Variants in CLK3 observed in about 807,000 individuals in gnomAD.
CLK3 encodes CDC like kinase 3, also known as dual specificity protein kinase CLK3.
A neutral mutation model predicts 65.2 loss-of-function variants in CLK3; 24 were observed. The ratio of observed to expected loss-of-function variants is 0.37; its 90% CI spans 0.27 to 0.52. The LOEUF (loss-of-function observed/expected upper bound fraction) is 0.52. CLK3 is among the 20% of genes least tolerant of loss of function. CLK3 has a pLI of 0.92. For synonymous variants in CLK3, 252 were observed against 240.8 expected (o/e 1.05, Z -0.43); for missense variants, 506 against 660.0 (o/e 0.77, Z 2.56).
intron 12 of CLK3, 173 bp downstream of exon 12, chr15:74,629,205 C>T (rs1234163514): frequency 1.4e-6 from 1 of 706,620 alleles, no homozygotes; most frequent in East Asian, 2.7e-5. Flanking sequence ...TGCAAACTGC[C>T]CCAGAGGGGC....
At chr15:74,628,076 C>T (rs768688400) in intron 10 of CLK3, 24 bp downstream of exon 10, 1 of 1,530,304 alleles carries the variant, frequency 6.5e-7, no homozygotes, top group South Asian at 1.1e-5. Context: ...GCATTGGTCC[C>T]CTACCCTGAG....
At chr15:74,615,710 G>A (rs2062049714), upstream of CLK3, 2 of 1,238,944 alleles carry the variant, frequency 1.6e-6, no homozygotes, top group South Asian at 3.6e-5. Flanking sequence ...GAGCGGAGAG[G>A]GCTGGTGCCC....
At chr15:74,626,429 G>T (rs2062143930) in intron 7 of CLK3, among the ~76,000 whole-genome samples, 1 of 152,250 alleles carries the variant, frequency 6.6e-6, no homozygotes. Flanking sequence ...ATTTGCAATG[G>T]TTGCAGCAGT....
At chr15:74,612,123 G>A (rs1380974859), upstream of CLK3, among the ~76,000 whole-genome samples, 7 of 152,236 alleles carry the variant, frequency 4.6e-5, no homozygotes, top group South Asian at 2.1e-4. Flanking sequence ...GGGGAAATTG[G>A]TGCCCAAGTC....
upstream of CLK3, chr15:74,614,979 A>C: frequency 6.3e-6 from 1 of 157,506 alleles, no homozygotes; most frequent in Non-Finnish European, 1.4e-5. Context: ...TGAGGTCTCA[A>C]AAGATCCCCA....
chr15:74,625,595 A>G (rs1439333224), intron 6 of CLK3, among the ~76,000 whole-genome samples: 1 of 152,164 alleles, frequency 6.6e-6, no homozygotes, highest in Non-Finnish European at 1.5e-5. Context: ...CAGGAAGCTT[A>G]GTCCTTGCCC....
intron 3 of CLK3, 123 bp downstream of exon 3, chr15:74,620,348 A>ATGTGTG (rs1346826206): frequency 1.5e-6 from 2 of 1,338,728 alleles, no homozygotes; most frequent in Non-Finnish European, 2.1e-6. Context: ...GTGTGCGTGC[A>ATGTGTG]TGTGTGTGTG....
chr15:74,625,735 A>C, intron 6 of CLK3, 67 bp from the exon 7 acceptor site: 2 of 1,571,720 alleles, frequency 1.3e-6, no homozygotes, highest in Non-Finnish European at 1.7e-6. Flanking sequence ...AACTGTCTTC[A>C]TCTGAGAGAG....
chr15:74,627,354 C>G lies in CLK3; in HGVS notation c.820C>G (p.Leu274Val). 4 of 1,613,346 alleles carry G rather than the reference C, an allele frequency of 2.5e-6. No individual in the cohort carries two copies. The highest frequency in any genetic ancestry group is 3.4e-6 in the Non-Finnish European group (4 of 1,179,290). The stretch of plus-strand genomic sequence containing the variant: ...CCCTTCTTTCCCTGCTACCTTAGTT[C>G]TGCATGAGAATCAGCTGACCCATAC... Reference protein sequence around the residue: ...AYQLCHALRFLHENQLTHTDL... With the variant: ...AYQLCHALRFVHENQLTHTDL... Residue 274 changes from leucine (L) to valine (V), a missense_variant and splice_region_variant, in exon 8 of 13, where the codon CTG becomes GTG. Physicochemically the swap from Leu to Val is conservative, Grantham distance 32. Coordinates refer to ENST00000395066, the MANE Select transcript of CLK3 (RefSeq NM_001130028.2). The surrounding 1 kb of genome is among the most constrained non-coding windows in gnomAD (Gnocchi z 4.3).
At position 74,620,124 on chromosome 15, in the gene CLK3, C is replaced by G. The variant is rs767369515; in HGVS notation, c.268C>G (p.Arg90Gly). 6.2e-7 allele frequency: 1 copy of G among 1,614,152 alleles called. No homozygotes were observed. Among genetic ancestry groups the G allele is most frequent in the East Asian group, 2.2e-5 (1 of 44,880 alleles). Reference protein sequence around the residue: ...GEDYYGPSRSRHRRRSRERGP... With the variant: ...GEDYYGPSRSGHRRRSRERGP... ...GGACTACTATGGACCTTCACGTTCT[C>G]GTCATCGTCGGCGATCGCGGGAGAG... is the stretch of plus-strand genomic sequence containing the variant. Residue 90 changes from arginine to glycine, a missense_variant, in exon 3 of 13, where the codon CGT (arginine) becomes GGT (glycine). Arg to Gly is a moderately radical substitution (Grantham distance 125). Around this residue, in one of 2 missense-constraint regions of CLK3, gnomAD observed 181 missense variants for 159.4 expected, o/e 1.14. Transcript: ENST00000395066.
chr15:74,616,966 C>G (rs2062065365), intron 1 of CLK3, among the ~76,000 whole-genome samples: 1 of 152,244 alleles, frequency 6.6e-6, no homozygotes, highest in African/African-American at 2.4e-5. Context: ...GCTTTTTAAA[C>G]AAGCTGTTTG....
At position 74,630,119 on chromosome 15, in the gene CLK3, C is replaced by A; in HGVS notation, c.*236C>A. On this transcript the variant is annotated 3_prime_UTR_variant, in exon 13 of 13. Coordinates refer to ENST00000395066, the MANE Select transcript of CLK3 (RefSeq NM_001130028.2). ...ATAAAGTGTTTCTTACTGTTTGTAA[C>A]CCCTGGTACCAGTGTGTCCATCTCC... 1 of 479,058 alleles carries A rather than the reference C, an allele frequency of 2.1e-6. No individual in the cohort carries two copies. The highest frequency in any genetic ancestry group is 3.4e-5 in the Admixed American group (1 of 29,526). The allele number at this position is 479,058 out of a possible 1,614,324, so 29.7% of individuals were successfully genotyped here. A position where few individuals can be genotyped will look rare whatever the true frequency, so the allele number is the denominator to read the frequency against.
rs987866001 is a variant in CLK3 at position 74,624,613 on chromosome 15, T to C, written c.534-289T>C. The C allele has an allele frequency of 6.4e-6, 3 of 469,388 alleles. No individual in the cohort carries two copies. The highest frequency in any genetic ancestry group is 5.8e-5 in the African/African-American group (3 of 51,426). The allele number at this position is 469,388 out of a possible 1,614,324, so 29.1% of individuals were successfully genotyped here. A position where few individuals can be genotyped will look rare whatever the true frequency, so the allele number is the denominator to read the frequency against. On this transcript the variant is annotated intron_variant, in intron 5 of 12. Transcript: ENST00000395066. The surrounding 1 kb of genome is among the most constrained non-coding windows in gnomAD (Gnocchi z 4.2). The stretch of plus-strand genomic sequence containing the variant: ...TGGACTGGCACTGGTTAAGCAGGAT[T>C]GGCCTCTACTCTCCCACACTCCTTT...
chr15:74,609,577 G>A (rs2061960738), intron 1 of CLK3, among the ~76,000 whole-genome samples: 1 of 152,236 alleles, frequency 6.6e-6, no homozygotes, highest in South Asian at 2.1e-4. Flanking sequence ...CTGTGGGGCT[G>A]CCCCTGCCAG....
Position 74,625,815 on chromosome 15 carries a change from A to G in CLK3, c.664A>G (p.Met222Val), listed in dbSNP as rs2062139802. The change falls in exon 7 of 13, where the codon ATG (methionine) becomes GTG (valine). Residue 222 changes from methionine (M) to valine (V), a missense_variant. By Grantham distance (21) the Met-to-Val change is conservative. Around this residue, in one of 2 missense-constraint regions of CLK3, gnomAD observed 325 missense variants for 500.5 expected, o/e 0.65. Coordinates refer to ENST00000395066, the MANE Select transcript of CLK3 (RefSeq NM_001130028.2). ...DKENKFLCVL[M>V]SDWFNFHGHM... Reference sequence around the variant, plus strand: ...CTCCTCCTCCAGCCTGTGTGTCTTGATGTCTGACTGGTTCAACTTCCACGG... The same window carrying G: ...CTCCTCCTCCAGCCTGTGTGTCTTGGTGTCTGACTGGTTCAACTTCCACGG... 6.2e-7 allele frequency: 1 copy of G among 1,613,932 alleles called. No individual in the cohort carries two copies. Among genetic ancestry groups the G allele is most frequent in the Non-Finnish European group, 8.5e-7 (1 of 1,180,006 alleles).
intron 1 of CLK3, 42 bp downstream of exon 1, chr15:74,615,940 G>A: frequency 1.6e-6 from 2 of 1,229,342 alleles, no homozygotes; most frequent in Admixed American, 8.4e-5. Context: ...AGCGGCGGCG[G>A]CGGCCGGGGG....
chr15:74,615,671 A>G, upstream of CLK3: 1 of 1,245,952 alleles, frequency 8.0e-7, no homozygotes, highest in Non-Finnish European at 1.0e-6. Context: ...CCCTCCCGGA[A>G]CTAGTCTCCT....
chr15:74,629,639 G>A lies in CLK3; in HGVS notation c.1297-68G>A, dbSNP rs1010844670. On this transcript the variant is annotated intron_variant, in intron 12 of 12. Coordinates refer to ENST00000395066, the MANE Select transcript of CLK3 (RefSeq NM_001130028.2). ...TCCAGTCCAGCAAGGCGTCCCAGAG[G>A]CAAGGGGACCTGCTGTGGCTTCCCA... 4 of 1,392,746 alleles carry A rather than the reference G, an allele frequency of 2.9e-6. No individual in the cohort carries two copies. In the African/African-American group the frequency reaches 5.7e-5, roughly 20 times the overall value. The allele number at this position is 1,392,746 out of a possible 1,614,324, so 86.3% of individuals were successfully genotyped here.
Position 74,629,699 on chromosome 15 carries a change from C to T in CLK3, c.1297-8C>T. On this transcript the variant is annotated splice_polypyrimidine_tract_variant and splice_region_variant and intron_variant, in intron 12 of 12. Transcript: ENST00000395066. Reference sequence around the variant, plus strand: ...CGTCACACTGAGGCACCTTGTGTCCCTGAGCAGAGTTACATGCTCCAAGAC... The same window carrying T: ...CGTCACACTGAGGCACCTTGTGTCCTTGAGCAGAGTTACATGCTCCAAGAC... 6.2e-7 allele frequency: 1 copy of T among 1,605,936 alleles called. No individual in the cohort carries two copies. Among genetic ancestry groups the T allele is most frequent in the South Asian group, 1.1e-5 (1 of 90,578 alleles).
Sources: gnomAD v4.1 joint callset for allele counts (sites outside exome capture counted in the v4.1 genomes callset) on GRCh38, gnomAD v4.1.1 for gene constraint, gnomAD v4.1.1 regional missense constraint, Gnocchi (gnomAD v3.1) non-coding constraint, MANE v1.5 for transcripts, NCBI Gene and HGNC (gene_info 2026-07-23, HGNC 2026-07-21) for gene names.